SPIN1: variants seen among roughly 807,000 people sequenced by gnomAD.
SPIN1 encodes spindlin 1.
SPIN1 carries 3 observed loss-of-function variants against 26.0 expected under a neutral mutation model. That is an observed-to-expected ratio of 0.12 (90% confidence interval 0.05 to 0.30). SPIN1 has a LOEUF of 0.30. Among genes scored for constraint, SPIN1 ranks in the 10% least tolerant of loss-of-function variants. The probability of loss-of-function intolerance (pLI) is 1.00; values close to 1 mark genes in which losing one functional copy is unlikely to be tolerated. For synonymous variants in SPIN1, 101 were observed against 116.5 expected, an observed-to-expected ratio of 0.87 and a Z score of 0.86; for missense variants, 126 against 333.4, an observed-to-expected ratio of 0.38 and a Z score of 4.84.
chr9:88,423,726 ATTT>A (rs201525377), intron 1 of SPIN1, among the ~76,000 whole-genome samples: 1 of 129,642 alleles, frequency 7.7e-6, no homozygotes, highest in African/African-American at 2.9e-5. Flanking sequence ...TACATCATGT[ATTT>A]TTTTTTTTTT....
chr9:88,407,224 G>T (rs1402985521), intron 1 of SPIN1, among the ~76,000 whole-genome samples: 1 of 150,572 alleles, frequency 6.6e-6, no homozygotes, highest in Non-Finnish European at 1.5e-5. Context: ...TGCAACCCCT[G>T]CCTCCCAGTT....
At chr9:88,404,283 T>G (rs1196856418) in intron 1 of SPIN1, among the ~76,000 whole-genome samples, 3 of 152,232 alleles carry the variant, frequency 2.0e-5, no homozygotes, top group African/African-American at 7.2e-5. Flanking sequence ...GTATAAACAC[T>G]GTACAGTTAG....
Position 88,411,307 on chromosome 9 carries a change from C to T in SPIN1, c.-158-15075C>T, listed in dbSNP as rs1048913919. 2.9e-6 allele frequency: 4 copies of T among 1,372,778 alleles called. No homozygotes were observed. In the African/African-American group the frequency reaches 5.7e-5, roughly 19 times the overall value. The allele number at this position is 1,372,778 out of a possible 1,614,324, so 85.0% of individuals were successfully genotyped here. ...TGACAAACTCAAAGCCCCTGGAGCA[C>T]TTGGTGTTTGGATCTCTCATTACCA... On this transcript the variant is annotated intron_variant, in intron 1 of 5. Transcript: ENST00000375859.
At chr9:88,395,491 T>C (rs926987714) in intron 1 of SPIN1, among the ~76,000 whole-genome samples, 5 of 152,154 alleles carry the variant, frequency 3.3e-5, no homozygotes, top group Admixed American at 6.6e-5. Flanking sequence ...ATTGCGGCAA[T>C]GAATAACCTT....
intron 1 of SPIN1, among the ~76,000 whole-genome samples, chr9:88,420,762 C>T (rs1827653705): frequency 6.6e-6 from 1 of 152,182 alleles, no homozygotes; most frequent in African/African-American, 2.4e-5. Flanking sequence ...TTTTACAAAA[C>T]AGTGTAGGTA....
chr9:88,436,309 TTA>T (rs1827997151), intron 2 of SPIN1, among the ~76,000 whole-genome samples: 1 of 152,210 alleles, frequency 6.6e-6, no homozygotes, highest in Non-Finnish European at 1.5e-5. Flanking sequence ...TTCTACAGTT[TTA>T]GAGTTGCAAA....
intron 5 of SPIN1, among the ~76,000 whole-genome samples, chr9:88,470,893 C>G (rs897211305): frequency 5.9e-5 from 9 of 152,182 alleles, no homozygotes; most frequent in Admixed American, 4.6e-4. Flanking sequence ...CATGCCCGGC[C>G]TATTGGCCCT....
At chr9:88,408,699 G>T in intron 1 of SPIN1, among the ~76,000 whole-genome samples, 1 of 130,544 alleles carries the variant, frequency 7.7e-6, no homozygotes. Context: ...TTTTGAGACA[G>T]TTTCACTCTT....
chr9:88,473,548 G>A (rs904851836), intron 5 of SPIN1, among the ~76,000 whole-genome samples: 4 of 152,156 alleles, frequency 2.6e-5, no homozygotes, highest in Admixed American at 1.3e-4. Context: ...AGCAAGTCCT[G>A]TTAACCTAAT....
chr9:88,419,811 C>A (rs1421444578), intron 1 of SPIN1, among the ~76,000 whole-genome samples: 1 of 152,168 alleles, frequency 6.6e-6, no homozygotes, highest in African/African-American at 2.4e-5. Flanking sequence ...ATAGACCAGA[C>A]TAAAATCTAA....
rs1037746216 is a variant in SPIN1 at position 88,468,396 on chromosome 9, A to G, written c.380A>G (p.His127Arg). 1.6e-5 allele frequency: 26 copies of G among 1,599,254 alleles called. No homozygotes were observed. Among genetic ancestry groups the G allele is most frequent in the Non-Finnish European group, 2.2e-5 (26 of 1,174,186 alleles). The change falls in exon 5 of 6, where the codon CAC becomes CGC. Residue 127 changes from histidine to arginine, a missense_variant. Physicochemically the swap from His to Arg is conservative, Grantham distance 29. Coordinates refer to ENST00000375859, the MANE Select transcript of SPIN1 (RefSeq NM_006717.3). ...RVATSRISDA[H>R]LADTMIGKAV... ...GCGACATCTCGAATCAGCGATGCAC[A>G]CTTGGCAGACACAATGATTGGCAAA... is the stretch of plus-strand genomic sequence containing the variant.
intron 3 of SPIN1, among the ~76,000 whole-genome samples, chr9:88,449,446 A>G (rs1020952873): frequency 3.3e-5 from 5 of 152,168 alleles, no homozygotes; most frequent in African/African-American, 1.2e-4. Context: ...GCATTTTTAA[A>G]TGAAGGAAAA....
chr9:88,429,340 T>C (rs553140813), intron 2 of SPIN1, among the ~76,000 whole-genome samples: 4 of 152,184 alleles, frequency 2.6e-5, no homozygotes, highest in African/African-American at 9.6e-5. Context: ...TCTCATAGGT[T>C]GAGGGCTCAG....
intron 5 of SPIN1, among the ~76,000 whole-genome samples, chr9:88,473,864 TATG>T (rs796833095): frequency 4.5e-4 from 68 of 152,320 alleles, no homozygotes; most frequent in African/African-American, 1.6e-3. Context: ...AATATGGCAG[TATG>T]ATGATACTGC....
chr9:88,396,004 G>A lies in SPIN1; in HGVS notation c.-159+7466G>A, dbSNP rs147512715. ...AGAGACTGCAGTGAGCTGAGATTGCGCCACTGCACTCCAGCCTGGGTGACA... is the reference window on the plus strand; with the variant it reads ...AGAGACTGCAGTGAGCTGAGATTGCACCACTGCACTCCAGCCTGGGTGACA... On this transcript the variant is annotated intron_variant, in intron 1 of 5. Transcript: ENST00000375859. 3.7e-3 allele frequency among the ~76,000 whole-genome samples: 562 copies of A among 151,700 alleles called. 4 individuals carry two copies. The highest frequency in any genetic ancestry group is 0.013 in the African/African-American group (522 of 41,380).
intron 1 of SPIN1, among the ~76,000 whole-genome samples, chr9:88,419,535 G>C (rs1046811774): frequency 1.3e-5 from 2 of 152,116 alleles, no homozygotes; most frequent in African/African-American, 4.8e-5. Flanking sequence ...TTTTGTATTT[G>C]AGTGCTATTT....
chr9:88,404,003 A>G (rs548654047), intron 1 of SPIN1, among the ~76,000 whole-genome samples: 3 of 152,322 alleles, frequency 2.0e-5, no homozygotes, highest in African/African-American at 7.2e-5. Context: ...CTTAGGCTAA[A>G]TGGTAAGCCT....
chr9:88,460,859 GTTAAGTTGACACACAAAA>G, intron 3 of SPIN1, among the ~76,000 whole-genome samples: 1 of 152,328 alleles, frequency 6.6e-6, no homozygotes, highest in South Asian at 2.1e-4. Context: ...CTGTGGCACA[GTTAAGTTGACACACAAAA>G]TTAATCATCA....
At chr9:88,388,990 G>A (rs1280138656) in intron 1 of SPIN1, among the ~76,000 whole-genome samples, 1 of 150,972 alleles carries the variant, frequency 6.6e-6, no homozygotes, top group Non-Finnish European at 1.5e-5. Flanking sequence ...GCATAATCCC[G>A]GGCCGGCGAC....
Sources: gnomAD v4.1 joint callset for allele counts (sites outside exome capture counted in the v4.1 genomes callset) on GRCh38, gnomAD v4.1.1 for gene constraint, MANE v1.5 for transcripts, NCBI Gene and HGNC (gene_info 2026-07-23, HGNC 2026-07-21) for gene names.